Variants in ZFAT observed in about 807,000 individuals in gnomAD.
ZFAT encodes the protein zinc finger protein ZFAT.
Under a neutral mutation model 117.7 loss-of-function variants are expected in ZFAT, and 64 were observed. That is an observed-to-expected ratio of 0.54 (90% CI 0.44 to 0.67). ZFAT has a LOEUF of 0.67. Among genes scored for constraint, ZFAT ranks in the 30% least tolerant of loss-of-function variants. ZFAT has a pLI of 0.00. For synonymous variants in ZFAT, 679 were observed against 615.0 expected (o/e 1.10, Z -1.54); for missense variants, 1,433 against 1,584.5 (o/e 0.90, Z 1.62).
At chr8:134,754,034 T>C in the ZFAT span, among the ~76,000 whole-genome samples, 5,763 of 152,310 alleles carry the variant, frequency 0.038, 156 homozygotes, top group Middle Eastern at 0.075. Flanking sequence ...ATTGATGAAA[T>C]ATTTGGGGTC....
chr8:134,757,051 C>T, the ZFAT span, among the ~76,000 whole-genome samples: 1 of 135,980 alleles, frequency 7.4e-6, no homozygotes, highest in South Asian at 2.4e-4. Context: ...AGTCTCACTC[C>T]TGTCGCCCAG....
intron 11 of ZFAT, chr8:134,565,060 G>A: frequency 1.4e-6 from 2 of 1,420,236 alleles, no homozygotes; most frequent in East Asian, 3.3e-5. Flanking sequence ...AATCACTCCA[G>A]TGCTTTTATG....
chr8:134,685,233 GC>G (rs1833263923), intron 1 of ZFAT, among the ~76,000 whole-genome samples: 1 of 152,076 alleles, frequency 6.6e-6, no homozygotes, highest in African/African-American at 2.4e-5. Context: ...CTGCCAAAGA[GC>G]CCCCAGTCAG....
At chr8:134,584,175 C>T (rs377641014) in intron 9 of ZFAT, among the ~76,000 whole-genome samples, 170 bp from the exon 10 acceptor site, 168 of 152,316 alleles carry the variant, frequency 1.1e-3, no homozygotes, top group Middle Eastern at 6.8e-3. Context: ...ACACCACACA[C>T]TTTCCACGCC....
At chr8:134,549,604 A>G (rs1214028211) in intron 11 of ZFAT, among the ~76,000 whole-genome samples, 1 of 152,218 alleles carries the variant, frequency 6.6e-6, no homozygotes, top group African/African-American at 2.4e-5. Flanking sequence ...CTGCACCCCT[A>G]TACTGGGCAG....
rs1258543994 is a variant in ZFAT, at chr8:134,601,481, G to A, written c.2238C>T (p.Tyr746=). 1.1e-5 allele frequency: 18 copies of A among 1,607,334 alleles called. No individual in the cohort carries two copies. The highest frequency in any genetic ancestry group is 1.5e-5 in the Non-Finnish European group (18 of 1,175,302). The change falls in exon 6 of 16, where the codon TAC becomes TAT. Residue 746 remains tyrosine (Y), a synonymous_variant. Transcript: ENST00000377838. The part of the protein sequence containing the change: ...RKVYGDLECE[Y]CGKLFWYQVH... Reference sequence around the variant, plus strand: ...ACCGGCGCTGCCTTTCCTTACCACAGTATTCACACTCCAGGTCTCCATAAA... The same window carrying A: ...ACCGGCGCTGCCTTTCCTTACCACAATATTCACACTCCAGGTCTCCATAAA...
At chr8:134,782,998 C>G in the ZFAT span, among the ~76,000 whole-genome samples, 2 of 151,966 alleles carry the variant, frequency 1.3e-5, no homozygotes. Flanking sequence ...TATACACACA[C>G]ACACATTTAT....
intron 1 of ZFAT, among the ~76,000 whole-genome samples, chr8:134,692,824 A>G (rs1586959958): frequency 6.6e-6 from 1 of 152,228 alleles, no homozygotes; most frequent in Admixed American, 6.5e-5. Context: ...TCACAAAGAC[A>G]TGGTTTCCTG....
chr8:134,586,703 G>A (rs941825564), intron 9 of ZFAT, among the ~76,000 whole-genome samples: 5 of 152,138 alleles, frequency 3.3e-5, no homozygotes, highest in African/African-American at 7.2e-5. Flanking sequence ...GAAACAACAC[G>A]TGTATATACA....
chr8:134,816,551 G>C, the ZFAT span, among the ~76,000 whole-genome samples: 6 of 151,930 alleles, frequency 3.9e-5, no homozygotes, highest in African/African-American at 1.2e-4. Context: ...TATTTTTAAA[G>C]GATACGTCTA....
the ZFAT span, among the ~76,000 whole-genome samples, chr8:134,770,202 C>A: frequency 6.6e-6 from 1 of 152,056 alleles, no homozygotes; most frequent in Non-Finnish European, 1.5e-5. Context: ...CTTTTTCTAT[C>A]GCATTGTCAG....
In ZFAT at chr8:134,601,876, G is replaced by T. The variant is rs774758970; in HGVS notation, c.1843C>A (p.Pro615Thr). ...GAGCTTCTGTGCTGCATGTCTGGGG[G>T]CTTCTCAGGAGCAGCATGAGCCTCT... ...SAEAHAAPEK[P>T]PDMQHRSSVQ... The change falls in exon 6 of 16, where the codon CCC becomes ACC. Residue 615 changes from proline (P) to threonine (T), a missense_variant. Physicochemically the swap from Pro to Thr is conservative, Grantham distance 38. Coordinates refer to ENST00000377838, the MANE Select transcript of ZFAT (RefSeq NM_020863.4). 7.4e-6 allele frequency: 12 copies of T among 1,612,980 alleles called. No homozygotes were observed. The African/African-American group carries it at 1.6e-4, about 22-fold the overall frequency.
chr8:134,709,620 CAG>C lies in ZFAT; in HGVS notation c.19+3223_19+3224del, dbSNP rs1367052620. Among the ~76,000 whole-genome samples, 15 of 152,206 alleles carry C rather than the reference CAG, an allele frequency of 9.9e-5. 1 individual carries two copies. Among genetic ancestry groups the C allele is most frequent in the Admixed American group, 7.9e-4 (12 of 15,286 alleles). ...GTAATTAAATCAGCCCATCTTGGTG[CAG>C]AGTTTTTCAGAGGCTGTATGCTTGA... On this transcript the variant is annotated intron_variant, in intron 1 of 15. Coordinates refer to ENST00000377838, the MANE Select transcript of ZFAT (RefSeq NM_020863.4).
upstream of ZFAT, among the ~76,000 whole-genome samples, chr8:134,716,180 C>CAT (rs1219904981): frequency 0.011 from 1,482 of 137,410 alleles, 29 homozygotes; most frequent in African/African-American, 0.036. Flanking sequence ...CACACACACA[C>CAT]ACATATATAT....
chr8:134,645,771 C>A (rs561206749), intron 2 of ZFAT, among the ~76,000 whole-genome samples: 3 of 152,270 alleles, frequency 2.0e-5, no homozygotes, highest in Admixed American at 1.3e-4. Flanking sequence ...ATGTGAATAA[C>A]CCTATAAACC....
intron 2 of ZFAT, among the ~76,000 whole-genome samples, chr8:134,650,402 AGT>A (rs1368213728): frequency 6.6e-6 from 1 of 152,096 alleles, no homozygotes; most frequent in Non-Finnish European, 1.5e-5. Context: ...CTGGGATTAC[AGT>A]CGTGAGCCAC....
intron 3 of ZFAT, among the ~76,000 whole-genome samples, chr8:134,618,186 T>G (rs958586063): frequency 6.6e-6 from 1 of 152,044 alleles, no homozygotes; most frequent in Non-Finnish European, 1.5e-5. Context: ...GAAAACAGAC[T>G]AATACAGTTA....
intron 15 of ZFAT, among the ~76,000 whole-genome samples, chr8:134,486,870 C>T (rs1371497358): frequency 6.6e-6 from 1 of 151,840 alleles, no homozygotes; most frequent in Non-Finnish European, 1.5e-5. Flanking sequence ...GGGTGAGGGG[C>T]GTGTGTGAGG....
chr8:134,512,510 G>A lies in ZFAT; in HGVS notation c.3326C>T (p.Ala1109Val). 4 of 1,613,980 alleles carry A rather than the reference G, an allele frequency of 2.5e-6. No homozygotes were observed. The highest frequency in any genetic ancestry group is 2.5e-6 in the Non-Finnish European group (3 of 1,179,884). Residue 1109 changes from alanine to valine, a missense_variant, in exon 14 of 16, where the codon GCC becomes GTC. By Grantham distance (64) the Ala-to-Val change is moderately conservative. Around this residue, in one of 5 missense-constraint regions of ZFAT, gnomAD observed 503 missense variants for 543.4 expected, o/e 0.93. Coordinates refer to ENST00000377838, the MANE Select transcript of ZFAT (RefSeq NM_020863.4). ...EDVQGTQAAV[A>V]ALQDLRYTSE... Reference sequence around the variant, plus strand: ...GGTGTATCTCAGGTCCTGGAGCGCGGCCACCGCTGCCTGTGTCCCTTGAAC... The same window carrying A: ...GGTGTATCTCAGGTCCTGGAGCGCGACCACCGCTGCCTGTGTCCCTTGAAC...
Sources: gnomAD v4.1 joint callset for allele counts (sites outside exome capture counted in the v4.1 genomes callset) on GRCh38, gnomAD v4.1.1 for gene constraint, gnomAD v4.1.1 regional missense constraint, MANE v1.5 for transcripts, NCBI Gene and HGNC (gene_info 2026-07-23, HGNC 2026-07-21) for gene names.